Variants in RPH3A observed in about 807,000 individuals in gnomAD.
RPH3A encodes rabphilin 3A, also known as rabphilin-3A.
Under a neutral mutation model 102.2 loss-of-function variants are expected in RPH3A, and 48 were observed. That is an observed-to-expected ratio of 0.47 (90% confidence interval 0.37 to 0.60). The LOEUF is 0.60. Ranked by LOEUF, RPH3A falls within the 20% of genes least tolerant of loss-of-function variation. The pLI, the probability that RPH3A is intolerant of heterozygous loss-of-function variation, is 0.00. For missense variants in RPH3A, 781 were observed against 910.1 expected (o/e 0.86, Z 1.83); for synonymous variants, 310 against 324.3 (o/e 0.96, Z 0.47).
At chr12:112,740,413 A>G (rs528593420) in intron 1 of RPH3A, among the ~76,000 whole-genome samples, 136 of 152,310 alleles carry the variant, frequency 8.9e-4, no homozygotes, top group African/African-American at 3.2e-3. Context: ...AATGAATATC[A>G]CCAGAAAAAT....
At chr12:112,679,772 AG>A (rs2040213996) in intron 1 of RPH3A, among the ~76,000 whole-genome samples, 2 of 152,124 alleles carry the variant, frequency 1.3e-5, no homozygotes, top group African/African-American at 4.8e-5. Flanking sequence ...TTGTCATACA[AG>A]GGTGAGGGCA....
intron 1 of RPH3A, among the ~76,000 whole-genome samples, chr12:112,606,562 G>A (rs988753248): frequency 6.6e-6 from 1 of 152,064 alleles, no homozygotes; most frequent in African/African-American, 2.4e-5. Context: ...TGGATTTTTA[G>A]TGGAGATGGG....
chr12:112,600,926 G>A (rs975259651), intron 1 of RPH3A, among the ~76,000 whole-genome samples: 1 of 152,202 alleles, frequency 6.6e-6, no homozygotes, highest in African/African-American at 2.4e-5. Flanking sequence ...CATGGTGGAA[G>A]TCACCTCTTC....
chr12:112,686,250 C>T lies in RPH3A; in HGVS notation c.-139-105893C>T, dbSNP rs550531691. 2.0e-5 allele frequency among the ~76,000 whole-genome samples: 3 copies of T among 152,180 alleles called. No homozygotes were observed. The East Asian group carries it at 5.8e-4, about 29-fold the overall frequency. On this transcript the variant is annotated intron_variant, in intron 1 of 21. Transcript: ENST00000543106. ...TCATCTTCCAGAACTTGGTTGAAAT[C>T]TGCTCAGATAATGGAGTTTTCCCCC...
intron 1 of RPH3A, among the ~76,000 whole-genome samples, chr12:112,593,125 A>G (rs1592897662): frequency 6.6e-6 from 1 of 152,174 alleles, no homozygotes; most frequent in Non-Finnish European, 1.5e-5. Context: ...GTGCCCTAAT[A>G]AGAAGAGACA....
chr12:112,611,995 C>G (rs1352542062), intron 1 of RPH3A, among the ~76,000 whole-genome samples: 1 of 152,198 alleles, frequency 6.6e-6, no homozygotes, highest in Non-Finnish European at 1.5e-5. Context: ...TTGTCACTAC[C>G]ACATTTCCTC....
At chr12:112,837,963 C>G (rs1230485360) in intron 4 of RPH3A, among the ~76,000 whole-genome samples, 1 of 149,038 alleles carries the variant, frequency 6.7e-6, no homozygotes, top group Non-Finnish European at 1.5e-5. Flanking sequence ...TACTAAATAC[C>G]AAGCACCATG....
At chr12:112,716,773 A>G (rs904145987) in intron 1 of RPH3A, among the ~76,000 whole-genome samples, 1 of 152,242 alleles carries the variant, frequency 6.6e-6, no homozygotes, top group Non-Finnish European at 1.5e-5. Flanking sequence ...GGGGACAATT[A>G]GTGGTCTTTT....
At chr12:112,694,644 GCACACGCACACACACACA>G (rs1218189502) in intron 1 of RPH3A, among the ~76,000 whole-genome samples, 7 of 126,940 alleles carry the variant, frequency 5.5e-5, no homozygotes, top group African/African-American at 2.0e-4. Context: ...GCGCGCGCGC[GCACACGCACACACACACA>G]CACACACACA....
intron 1 of RPH3A, among the ~76,000 whole-genome samples, chr12:112,768,189 T>C (rs1487069968): frequency 6.6e-6 from 1 of 152,238 alleles, no homozygotes; most frequent in African/African-American, 2.4e-5. Flanking sequence ...AACCGCATGA[T>C]AAACCATCTT....
chr12:112,804,722 G>A (rs936717617), intron 2 of RPH3A, among the ~76,000 whole-genome samples: 1 of 152,220 alleles, frequency 6.6e-6, no homozygotes, highest in Admixed American at 6.5e-5. Context: ...CAGCTGCAGA[G>A]TGGGGATGCC....
intron 1 of RPH3A, among the ~76,000 whole-genome samples, chr12:112,717,745 T>C (rs2040523833): frequency 6.6e-6 from 1 of 150,968 alleles, no homozygotes; most frequent in African/African-American, 2.5e-5. Flanking sequence ...TTTTTTTGGG[T>C]AATACCAATG....
intron 1 of RPH3A, among the ~76,000 whole-genome samples, chr12:112,663,059 GGTGT>G (rs60392620): frequency 1.8e-4 from 25 of 141,134 alleles, no homozygotes; most frequent in Admixed American, 3.5e-4. Flanking sequence ...CTAAGTGATT[GGTGT>G]GTGTGTGTGT....
At chr12:112,822,507 C>A (rs929346808) in intron 2 of RPH3A, among the ~76,000 whole-genome samples, 2 of 152,096 alleles carry the variant, frequency 1.3e-5, no homozygotes, top group African/African-American at 4.8e-5. Context: ...CCTTAGCAAG[C>A]GATGCTAAGG....
In RPH3A at chr12:112,884,962, A is replaced by G. The variant is rs73429093; in HGVS notation, c.1436+1560A>G. Among the ~76,000 whole-genome samples the G allele has an allele frequency of 4.3e-3, 659 of 152,284 alleles. 4 individuals are homozygous for G. Among genetic ancestry groups the G allele is most frequent in the African/African-American group, 0.016 (648 of 41,554 alleles). ...TGTTTTTGTACTTTATATAAATGAA[A>G]TTTTATTGTGTGGCTCTTTTGTATC... On this transcript the variant is annotated intron_variant, in intron 16 of 21. Transcript: ENST00000389385.
At chr12:112,883,776 C>A (rs2042963487) in intron 16 of RPH3A, among the ~76,000 whole-genome samples, 1 of 152,096 alleles carries the variant, frequency 6.6e-6, no homozygotes, top group Non-Finnish European at 1.5e-5. Flanking sequence ...TACACTGATG[C>A]CATTTCACAT....
chr12:112,789,720 C>A (rs185327187), upstream of RPH3A, among the ~76,000 whole-genome samples: 2 of 151,506 alleles, frequency 1.3e-5, no homozygotes, highest in East Asian at 3.9e-4. Flanking sequence ...CCATCAACAT[C>A]ATCAGCATAA....
At chr12:112,655,662 C>T (rs1255576207) in intron 1 of RPH3A, among the ~76,000 whole-genome samples, 1 of 149,442 alleles carries the variant, frequency 6.7e-6, no homozygotes, top group African/African-American at 2.5e-5. Flanking sequence ...CCTCTGCCTC[C>T]CAGGTCCCAG....
chr12:112,772,217 C>T (rs1393435481), intron 1 of RPH3A, among the ~76,000 whole-genome samples: 1 of 152,178 alleles, frequency 6.6e-6, no homozygotes. Context: ...TCCGGCAAGT[C>T]ACCCAATTCC....
Sources: gnomAD v4.1 joint callset for allele counts (sites outside exome capture counted in the v4.1 genomes callset) on GRCh38, gnomAD v4.1.1 for gene constraint, MANE v1.5 for transcripts, NCBI Gene and HGNC (gene_info 2026-07-23, HGNC 2026-07-21) for gene names.